The following FOXO3B variants were observed in gnomAD, a reference collection of about 807,000 sequenced individuals.
FOXO3B encodes the protein forkhead box protein O3B.
In FOXO3B, 15 loss-of-function variants were observed where a neutral mutation model predicts 21.9. The observed-to-expected ratio is 0.68, with a 90% CI of 0.46 to 1.05. The LOEUF (loss-of-function observed/expected upper bound fraction) is 1.05, where lower values mean the gene tolerates loss of function less well. Ranked by LOEUF, FOXO3B falls within the 50% of genes least tolerant of loss-of-function variation. The probability of loss-of-function intolerance (pLI) is 0.00; values close to 1 mark genes in which losing one functional copy is unlikely to be tolerated. For synonymous variants in FOXO3B, 135 were observed against 213.6 expected, an observed-to-expected ratio of 0.63 and a Z score of 3.21; for missense variants, 293 against 435.5, an observed-to-expected ratio of 0.67 and a Z score of 2.91.
chr17:18,673,876 T>C (rs2032424993), intron 3 of FOXO3B, among the ~76,000 whole-genome samples: 1 of 148,734 alleles, frequency 6.7e-6, no homozygotes, highest in African/African-American at 2.6e-5. Context: ...AGTGAAGAAA[T>C]ACTTAGAATA....
At chr17:18,676,111 G>C (rs1282583939) in intron 3 of FOXO3B, among the ~76,000 whole-genome samples, 1 of 152,140 alleles carries the variant, frequency 6.6e-6, no homozygotes, top group East Asian at 1.9e-4. Context: ...AACAGGCAAA[G>C]GGTATCAACA....
At position 18,670,992 on chromosome 17, in the gene FOXO3B, A is replaced by T; in HGVS notation, c.*1317T>A. On this transcript the variant is annotated 3_prime_UTR_variant, in exon 4 of 4. Transcript: ENST00000395675. The stretch of plus-strand genomic sequence containing the variant: ...ACCAACAACATTCTGTGTGGAGATG[A>T]GGGAATCAAAGTTAAAATCCAACCC... 7.5e-7 allele frequency: 1 copy of T among 1,325,616 alleles called. No individual in the cohort carries two copies. Among genetic ancestry groups the T allele is most frequent in the East Asian group, 2.3e-5 (1 of 43,400 alleles). The allele number at this position is 1,325,616 out of a possible 1,614,324, so 82.1% of individuals were successfully genotyped here.
At position 18,682,264 on chromosome 17, in the gene FOXO3B, A is replaced by C. The variant is rs138044605; in HGVS notation, c.-256T>G. The stretch of plus-strand genomic sequence containing the variant: ...TTTGGCCAGCTCGGAGTCGCGCATG[A>C]GTAAGAAGGAGCGGAGCCAGGCGTG... On this transcript the variant is annotated 5_prime_UTR_variant, in exon 1 of 4. Coordinates refer to ENST00000395675, the MANE Select transcript of FOXO3B (RefSeq NM_001368135.1). The C allele has an allele frequency of 6.1e-6, 4 of 653,002 alleles. No individual in the cohort carries two copies. The highest frequency in any genetic ancestry group is 3.0e-5 in the South Asian group (2 of 66,570). The allele number at this position is 653,002 out of a possible 1,614,324, so 40.5% of individuals were successfully genotyped here.
In FOXO3B at chr17:18,671,445, G is replaced by C. The variant is rs1426292284; in HGVS notation, c.*864C>G. 18 of 1,570,416 alleles carry C rather than the reference G, an allele frequency of 1.1e-5. No individual in the cohort carries two copies. Among genetic ancestry groups the C allele is most frequent in the South Asian group, 1.1e-4 (10 of 90,104 alleles). On this transcript the variant is annotated 3_prime_UTR_variant, in exon 4 of 4. Transcript: ENST00000395675. ...GGCAGACACAGCGGTGCTGGCCTGA[G>C]ACATCAAGGGGTCCGACTGTGTCAT... is the stretch of plus-strand genomic sequence containing the variant.
chr17:18,677,382 G>A (rs1194710879), intron 3 of FOXO3B: 20 of 1,613,842 alleles, frequency 1.2e-5, no homozygotes, highest in East Asian at 8.9e-5. Flanking sequence ...GTGCGTCAAC[G>A]TGCTCAAGAG....
chr17:18,678,008 T>C (rs1486427132), intron 3 of FOXO3B, among the ~76,000 whole-genome samples: 1 of 151,158 alleles, frequency 6.6e-6, no homozygotes, highest in Admixed American at 6.6e-5. Flanking sequence ...GAAAAGACAT[T>C]ATGAGGAAAA....
rs564294366 is a variant in FOXO3B at position 18,677,865 on chromosome 17, G to A, written c.126+2876C>T. On this transcript the variant is annotated intron_variant, in intron 3 of 3. Transcript: ENST00000395675. ...ATGGCTGGGGTCGGGGAGGGTACAG[G>A]GGGCACTGAGACCTGGATTTGTTTT... is the stretch of plus-strand genomic sequence containing the variant. 424 of 858,864 alleles carry A rather than the reference G, an allele frequency of 4.9e-4. 5 individuals carry two copies. In the African/African-American group the frequency reaches 5.5e-3, roughly 11 times the overall value. 53.2% of individuals were successfully genotyped at this position (858,864 alleles called of 1,614,324 possible).
chr17:18,671,392 G>T lies in FOXO3B; in HGVS notation c.*917C>A. On this transcript the variant is annotated 3_prime_UTR_variant, in exon 4 of 4. Transcript: ENST00000395675. ...GCAAAGGACATCATCGGATCATTGC[G>T]AAGCATCACGTTCCGGCGGGAATTC... The T allele has an allele frequency of 1.9e-6, 3 of 1,613,268 alleles. No homozygotes were observed. The South Asian group carries it at 3.3e-5, about 18-fold the overall frequency.
In FOXO3B at chr17:18,674,802, T is replaced by C. The variant is rs191788778; in HGVS notation, c.127-1747A>G. ...TTACTGGAACATACCCATTCATGTATGCATTTTCTAGGGCTGCTTTCATAC... is the reference window on the plus strand; with the variant it reads ...TTACTGGAACATACCCATTCATGTACGCATTTTCTAGGGCTGCTTTCATAC... On this transcript the variant is annotated intron_variant, in intron 3 of 3. Coordinates refer to ENST00000395675, the MANE Select transcript of FOXO3B (RefSeq NM_001368135.1). Among the ~76,000 whole-genome samples, 318 of 152,318 alleles carry C rather than the reference T, an allele frequency of 2.1e-3. 1 individual carries two copies. The highest frequency in any genetic ancestry group is 4.4e-3 in the African/African-American group (184 of 41,578).
Position 18,671,698 on chromosome 17 carries a change from G to C in FOXO3B, c.*611C>G, listed in dbSNP as rs202160691. The stretch of plus-strand genomic sequence containing the variant: ...GTGGTATACGGGAAGCTAGAACTCC[G>C]CTGCATGAGTCCCCCAGTGGGCGAT... On this transcript the variant is annotated 3_prime_UTR_variant, in exon 4 of 4. Coordinates refer to ENST00000395675, the MANE Select transcript of FOXO3B (RefSeq NM_001368135.1). 230 of 1,613,486 alleles carry C rather than the reference G, an allele frequency of 1.4e-4. No homozygotes were observed. The highest frequency in any genetic ancestry group is 1.9e-4 in the Non-Finnish European group (220 of 1,179,960).
chr17:18,674,482 C>T (rs867322342), intron 3 of FOXO3B, among the ~76,000 whole-genome samples: 45 of 150,100 alleles, frequency 3.0e-4, no homozygotes, highest in Middle Eastern at 3.2e-3. Context: ...AAAAATTAGC[C>T]GGGTGTGGTG....
In FOXO3B at chr17:18,670,320, T is replaced by C. The variant is rs900019577; in HGVS notation, c.*1989A>G. Among the ~76,000 whole-genome samples the C allele has an allele frequency of 1.3e-5, 2 of 152,246 alleles. No individual in the cohort carries two copies. Among genetic ancestry groups the C allele is most frequent in the Non-Finnish European group, 2.9e-5 (2 of 68,048 alleles). On this transcript the variant is annotated 3_prime_UTR_variant, in exon 4 of 4. Transcript: ENST00000395675. ...AACAAAAGAAGAAAGAAAATCCCCC[T>C]TTAGTTTATGTAATTTGTTAGTTTA...
chr17:18,680,995 C>A lies in FOXO3B; in HGVS notation c.38-166G>T, dbSNP rs1286565663. ...CCCAGGACCCTCTTCCCGGGATATG[C>A]GGGAATATTGCTACTCTGGGCTCGA... On this transcript the variant is annotated intron_variant, in intron 2 of 3. Coordinates refer to ENST00000395675, the MANE Select transcript of FOXO3B (RefSeq NM_001368135.1). Among the ~76,000 whole-genome samples the A allele has an allele frequency of 5.3e-5, 8 of 151,618 alleles. No individual in the cohort carries two copies. In the East Asian group the frequency reaches 1.5e-3, roughly 29 times the overall value.
intron 3 of FOXO3B, chr17:18,677,160 A>T: frequency 2.1e-6 from 2 of 948,102 alleles, no homozygotes; most frequent in Non-Finnish European, 3.2e-6. Flanking sequence ...GCTGCTGGGA[A>T]TGTAATTGGT....
At position 18,672,750 on chromosome 17, in the gene FOXO3B, C is replaced by T; in HGVS notation, c.432G>A (p.Glu144=). The T allele has an allele frequency of 6.5e-7, 1 of 1,541,406 alleles. No individual in the cohort carries two copies. Among genetic ancestry groups the T allele is most frequent in the African/African-American group, 1.4e-5 (1 of 69,518 alleles). The change falls in exon 4 of 4, where the codon GAG becomes GAA. Residue 144 remains glutamate (E), a synonymous_variant. Coordinates refer to ENST00000395675, the MANE Select transcript of FOXO3B (RefSeq NM_001368135.1). The surrounding 1 kb of genome is among the most constrained non-coding windows in gnomAD (Gnocchi z 4.2). ...GETAADSMIP[E]EEDDEDDEDG... is the part of the protein sequence containing the mutation. ...CCTCGTCGTCTTCATCGTCCTCCTC[C>T]TCGGGGATCATGGAGTCGGCGGCCG...
Position 18,670,818 on chromosome 17 carries a change from G to A in FOXO3B, c.*1491C>T. 7.3e-7 allele frequency: 1 copy of A among 1,377,642 alleles called. No individual in the cohort carries two copies. Among genetic ancestry groups the A allele is most frequent in the Non-Finnish European group, 1.0e-6 (1 of 994,076 alleles). The allele number at this position is 1,377,642 out of a possible 1,614,324, so 85.3% of individuals were successfully genotyped here. A position where few individuals can be genotyped will look rare whatever the true frequency, so the allele number is the denominator to read the frequency against. Reference sequence around the variant, plus strand: ...AACGGTATCACTGTCCACTTGCTGAGAGCAGATTTGGCAAAGGGTTTTCTC... The same window carrying A: ...AACGGTATCACTGTCCACTTGCTGAAAGCAGATTTGGCAAAGGGTTTTCTC... On this transcript the variant is annotated 3_prime_UTR_variant, in exon 4 of 4. Coordinates refer to ENST00000395675, the MANE Select transcript of FOXO3B (RefSeq NM_001368135.1).
chr17:18,676,413 G>C (rs939652333), intron 3 of FOXO3B, among the ~76,000 whole-genome samples: 4 of 152,028 alleles, frequency 2.6e-5, no homozygotes, highest in Non-Finnish European at 5.9e-5. Context: ...AAAATAAACT[G>C]TTCAGTTTAT....
Position 18,680,729 on chromosome 17 carries a change from A to T in FOXO3B, c.126+12T>A, listed in dbSNP as rs750366787. 1.7e-5 allele frequency: 28 copies of T among 1,613,798 alleles called. No individual in the cohort carries two copies. Among genetic ancestry groups the T allele is most frequent in the Middle Eastern group, 3.3e-4 (2 of 6,082 alleles). Reference sequence around the variant, plus strand: ...ACAAGGTGTAATTCCAATAATCAGCAGACTCACTCACCTGGGATCTGGCCG... The same window carrying T: ...ACAAGGTGTAATTCCAATAATCAGCTGACTCACTCACCTGGGATCTGGCCG... On this transcript the variant is annotated intron_variant, in intron 3 of 3. Coordinates refer to ENST00000395675, the MANE Select transcript of FOXO3B (RefSeq NM_001368135.1).
At chr17:18,679,844 CTT>C (rs113312454) in intron 3 of FOXO3B, among the ~76,000 whole-genome samples, 10 of 144,820 alleles carry the variant, frequency 6.9e-5, no homozygotes, top group Non-Finnish European at 9.2e-5. Flanking sequence ...TTCAAAAATT[CTT>C]TTTTTTTTTT....
Sources: allele counts gnomAD v4.1 joint callset (sites outside exome capture counted in the v4.1 genomes callset), GRCh38; gene constraint gnomAD v4.1.1; non-coding constraint Gnocchi (gnomAD v3.1); transcripts MANE v1.5; gene names NCBI Gene and HGNC (gene_info 2026-07-23, HGNC 2026-07-21).